C1QTNF3: variants seen among roughly 807,000 people sequenced by gnomAD.
C1QTNF3 encodes the protein complement C1q tumor necrosis factor-related protein 3.
In C1QTNF3, 26 loss-of-function variants were observed where a neutral mutation model predicts 32.6. The ratio of observed to expected loss-of-function variants is 0.80; its 90% CI spans 0.58 to 1.11. C1QTNF3 has a LOEUF of 1.11. C1QTNF3 is among the 50% of genes least tolerant of loss of function. The probability of loss-of-function intolerance (pLI) is 0.00; values close to 1 mark genes in which losing one functional copy is unlikely to be tolerated. For synonymous variants in C1QTNF3, 155 were observed against 146.0 expected (o/e 1.06, Z -0.44); for missense variants, 362 against 398.2 (o/e 0.91, Z 0.77).
chr5:34,207,297 T>C, the C1QTNF3 span, among the ~76,000 whole-genome samples: 2 of 151,682 alleles, frequency 1.3e-5, no homozygotes, highest in African/African-American at 4.8e-5. Flanking sequence ...TATATATGTA[T>C]ATACTTTTGG....
intron 3 of C1QTNF3, among the ~76,000 whole-genome samples, chr5:34,031,187 T>C (rs1046773781): frequency 2.0e-5 from 3 of 152,204 alleles, no homozygotes; most frequent in East Asian, 1.9e-4. Context: ...AAATGAGTCA[T>C]TGAAACTGAG....
rs1754285086 is a variant in C1QTNF3, at chr5:34,019,997, A to G, written c.*586T>C. On this transcript the variant is annotated 3_prime_UTR_variant, in exon 6 of 6. Coordinates refer to ENST00000382065, the MANE Select transcript of C1QTNF3 (RefSeq NM_181435.6). ...AACCACATTACTGGTCAAGCACTTT[A>G]TAGCTAAAATCTATTGACTTTAAAA... 2 of 152,652 alleles carry G rather than the reference A, an allele frequency of 1.3e-5. No individual in the cohort carries two copies. The highest frequency in any genetic ancestry group is 1.3e-4 in the Admixed American group (2 of 15,348). 9.5% of individuals were successfully genotyped at this position (152,652 alleles called of 1,614,324 possible).
chr5:34,132,282 G>C, the C1QTNF3 span, among the ~76,000 whole-genome samples: 1 of 151,942 alleles, frequency 6.6e-6, no homozygotes. Flanking sequence ...CTACTTGAGA[G>C]GCTGAGGCAG....
chr5:34,209,096 A>T, the C1QTNF3 span, among the ~76,000 whole-genome samples: 3 of 152,204 alleles, frequency 2.0e-5, no homozygotes, highest in Non-Finnish European at 4.4e-5. Flanking sequence ...AGGTCCAAAA[A>T]TGTCAATAGT....
chr5:34,172,007 G>A, the C1QTNF3 span, among the ~76,000 whole-genome samples: 2 of 152,122 alleles, frequency 1.3e-5, no homozygotes, highest in Non-Finnish European at 2.9e-5. Context: ...TTCATGAGAT[G>A]TTGTCAAATG....
upstream of C1QTNF3, among the ~76,000 whole-genome samples, chr5:34,045,633 G>A (rs1754973035): frequency 3.3e-5 from 5 of 152,146 alleles, no homozygotes; most frequent in Admixed American, 3.3e-4. Context: ...GTGTTATGCA[G>A]CTGGAAAGAA....
the C1QTNF3 span, among the ~76,000 whole-genome samples, chr5:34,203,526 A>G: frequency 1.3e-5 from 2 of 151,884 alleles, no homozygotes; most frequent in Non-Finnish European, 2.9e-5. Context: ...TCTCCATTAA[A>G]AATACAAAAA....
chr5:34,079,106 A>C, the C1QTNF3 span, among the ~76,000 whole-genome samples: 1 of 151,674 alleles, frequency 6.6e-6, no homozygotes, highest in Non-Finnish European at 1.5e-5. Context: ...ACATAAAAAA[A>C]TAAAAACACA....
chr5:34,182,106 G>C, the C1QTNF3 span, among the ~76,000 whole-genome samples: 2 of 152,306 alleles, frequency 1.3e-5, no homozygotes, highest in East Asian at 3.8e-4. Context: ...CGCAGCCCCT[G>C]CCTCCTGGGT....
At chr5:34,166,567 G>A in the C1QTNF3 span, 1 of 152,214 alleles carries the variant, frequency 6.6e-6, no homozygotes, top group East Asian at 1.9e-4. Flanking sequence ...ATTAAGGAAG[G>A]TCTTATAATA....
the C1QTNF3 span, among the ~76,000 whole-genome samples, chr5:34,234,407 T>TA: frequency 1.3e-5 from 2 of 152,144 alleles, no homozygotes; most frequent in African/African-American, 2.4e-5. Context: ...ACTCATGAAA[T>TA]ACAATTTGCA....
At chr5:34,207,333 A>G in the C1QTNF3 span, among the ~76,000 whole-genome samples, 1 of 151,412 alleles carries the variant, frequency 6.6e-6, no homozygotes, top group African/African-American at 2.4e-5. Context: ...CACAACCATC[A>G]TTATGAAAAG....
At chr5:34,176,923 T>C in the C1QTNF3 span, among the ~76,000 whole-genome samples, 1 of 152,042 alleles carries the variant, frequency 6.6e-6, no homozygotes, top group African/African-American at 2.4e-5. Context: ...CTGGGCATGG[T>C]AGCTCAGGTC....
chr5:34,099,493 G>C, the C1QTNF3 span, among the ~76,000 whole-genome samples: 1 of 151,948 alleles, frequency 6.6e-6, no homozygotes, highest in African/African-American at 2.4e-5. Context: ...CAAAAGCTGA[G>C]GCAAAATTAA....
At chr5:34,090,005 T>G in the C1QTNF3 span, among the ~76,000 whole-genome samples, 1 of 152,258 alleles carries the variant, frequency 6.6e-6, no homozygotes, top group Non-Finnish European at 1.5e-5. Context: ...ATCATAGCTC[T>G]ATTTCCTTAT....
chr5:34,047,331 T>C (rs1288601960), upstream of C1QTNF3, among the ~76,000 whole-genome samples: 1 of 152,230 alleles, frequency 6.6e-6, no homozygotes, highest in Non-Finnish European at 1.5e-5. Context: ...AAAAGCCAGA[T>C]CTGTGACTCA....
the C1QTNF3 span, among the ~76,000 whole-genome samples, chr5:34,220,601 G>A: frequency 1.3e-5 from 2 of 151,858 alleles, no homozygotes; most frequent in Admixed American, 6.6e-5. Context: ...TATGCAACTT[G>A]TGTACTTTCT....
the C1QTNF3 span, among the ~76,000 whole-genome samples, chr5:34,145,054 G>A: frequency 1.1e-4 from 17 of 152,058 alleles, no homozygotes; most frequent in African/African-American, 2.9e-4. Context: ...GCTTGAACCC[G>A]GGAGGCAGAA....
chr5:34,183,582 C>G, the C1QTNF3 span, among the ~76,000 whole-genome samples: 2 of 150,674 alleles, frequency 1.3e-5, no homozygotes, highest in Non-Finnish European at 3.0e-5. Flanking sequence ...CCACCCGCCT[C>G]AGTCTCCCAA....
Sources: allele counts gnomAD v4.1 joint callset (sites outside exome capture counted in the v4.1 genomes callset), GRCh38; gene constraint gnomAD v4.1.1; transcripts MANE v1.5; gene names NCBI Gene and HGNC (gene_info 2026-07-23, HGNC 2026-07-21).